Variants in ZAN observed in about 807,000 individuals in gnomAD.
The protein encoded by ZAN is zonadhesin (gene/pseudogene).
ZAN carries 260 observed loss-of-function variants against 286.2 expected under a neutral mutation model. That is an observed-to-expected ratio of 0.91 (90% confidence interval 0.82 to 1.01). The LOEUF (loss-of-function observed/expected upper bound fraction) is 1.01. Among genes scored for constraint, ZAN ranks in the 50% least tolerant of loss-of-function variants. The probability of loss-of-function intolerance (pLI) is 0.00; values close to 1 mark genes in which losing one functional copy is unlikely to be tolerated. For missense variants in ZAN, 3,410 were observed against 3,639.2 expected, an observed-to-expected ratio of 0.94 and a Z score of 1.62; for synonymous variants, 1,368 against 1,417.5, an observed-to-expected ratio of 0.97 and a Z score of 0.79.
At chr7:100,753,668 T>A (rs1357766666) in intron 14 of ZAN, among the ~76,000 whole-genome samples, 100 of 140,884 alleles carry the variant, frequency 7.1e-4, no homozygotes, top group African/African-American at 2.3e-3. Flanking sequence ...ACTTTAAAAT[T>A]AAAAAAAAAA....
chr7:100,782,873 C>CAT (rs1327916987), intron 35 of ZAN, among the ~76,000 whole-genome samples: 1 of 152,050 alleles, frequency 6.6e-6, no homozygotes, highest in Admixed American at 6.6e-5. Context: ...ACTAAATTCC[C>CAT]ATATATATTT....
chr7:100,778,381 A>AT (rs1810959892), intron 34 of ZAN, among the ~76,000 whole-genome samples: 1 of 149,512 alleles, frequency 6.7e-6, no homozygotes, highest in Non-Finnish European at 1.5e-5. Context: ...ATGTGGGAGG[A>AT]TTGCTTGAGC....
intron 25 of ZAN, 47 bp from the exon 26 acceptor site, chr7:100,767,784 C>A (rs559794583): frequency 2.5e-6 from 4 of 1,576,494 alleles, no homozygotes; most frequent in Non-Finnish European, 3.4e-6. Context: ...GCCTTTATCC[C>A]GAGTTCTTTC....
At chr7:100,795,673 G>A (rs913484549) in intron 45 of ZAN, among the ~76,000 whole-genome samples, 5 of 151,900 alleles carry the variant, frequency 3.3e-5, no homozygotes, top group Non-Finnish European at 5.9e-5. Flanking sequence ...TTGGGAGGCT[G>A]AGGTGGGCGG....
intron 7 of ZAN, among the ~76,000 whole-genome samples, chr7:100,745,770 T>C (rs900935019): frequency 6.7e-6 from 1 of 149,968 alleles, no homozygotes; most frequent in African/African-American, 2.5e-5. Context: ...GCACCTGGAG[T>C]CCCAGCTACT....
At chr7:100,790,636 A>G (rs1811878073) in intron 39 of ZAN, among the ~76,000 whole-genome samples, 1 of 151,368 alleles carries the variant, frequency 6.6e-6, no homozygotes, top group Non-Finnish European at 1.5e-5. Flanking sequence ...TAATCCCAGC[A>G]CTCTGAGAGG....
chr7:100,774,044 C>A (rs1021693192), intron 31 of ZAN, among the ~76,000 whole-genome samples, 179 bp downstream of exon 31: 3 of 151,364 alleles, frequency 2.0e-5, no homozygotes, highest in African/African-American at 7.4e-5. Flanking sequence ...AACCTTGGGG[C>A]TCACCCATCC....
chr7:100,735,664 A>G lies in ZAN; in HGVS notation c.54-56A>G. The G allele has an allele frequency of 5.4e-6, 7 of 1,288,200 alleles. 1 individual carries two copies. Among genetic ancestry groups the G allele is most frequent in the East Asian group, 4.9e-5 (2 of 41,040 alleles). 79.8% of individuals were successfully genotyped at this position (1,288,200 alleles called of 1,614,324 possible). The stretch of plus-strand genomic sequence containing the variant: ...AGAAAGCTCACAGTCACTGAATCTT[A>G]TAATTCTTGATAATGACACGAGTTG... On this transcript the variant is annotated intron_variant, in intron 2 of 47. Transcript: ENST00000613979.
chr7:100,797,390 T>G lies in ZAN; in HGVS notation c.8291T>G (p.Leu2764Arg), dbSNP rs1199745270. ...GCATCTAACCTGGTGGGCGTCCTACTGGGACTGCTGGTGCCTGTGGTGGTC... is the reference window on the plus strand; with the variant it reads ...GCATCTAACCTGGTGGGCGTCCTACGGGGACTGCTGGTGCCTGTGGTGGTC... Reference protein sequence around the residue: ...KPASNLVGVLLGLLVPVVVVL... With the variant: ...KPASNLVGVLRGLLVPVVVVL... The change falls in exon 46 of 48, where the codon CTG (leucine) becomes CGG (arginine). Residue 2764 changes from leucine (L) to arginine (R), a missense_variant. Coordinates refer to ENST00000613979, the MANE Select transcript of ZAN (RefSeq NM_003386.3). The G allele has an allele frequency of 5.6e-6, 9 of 1,613,662 alleles. No homozygotes were observed. Among genetic ancestry groups the G allele is most frequent in the Non-Finnish European group, 7.6e-6 (9 of 1,179,762 alleles).
In ZAN at chr7:100,760,545, G is replaced by A; in HGVS notation, c.3842+9G>A. 6.2e-7 allele frequency: 1 copy of A among 1,612,876 alleles called. No homozygotes were observed. The highest frequency in any genetic ancestry group is 2.2e-5 in the East Asian group (1 of 44,820). The stretch of plus-strand genomic sequence containing the variant: ...TATGTTACTGTGTCCAGGTAAGGCA[G>A]TGTCCCAGCCAGGCAGCTGCCACTT... On this transcript the variant is annotated intron_variant, in intron 19 of 47. Coordinates refer to ENST00000613979, the MANE Select transcript of ZAN (RefSeq NM_003386.3).
Position 100,769,890 on chromosome 7 carries a change from G to A in ZAN, c.5164G>A (p.Val1722Met). Reference protein sequence around the residue: ...PESSEPGCFLVGGKPSSCQEN... With the variant: ...PESSEPGCFLMGGKPSSCQEN... ...TTCTCTCTCATTTAGCTGTTTCCTT[G>A]TGGGTGGCAAGCCCTCCAGCTGCCA... is the stretch of plus-strand genomic sequence containing the variant. The change falls in exon 28 of 48, where the codon GTG becomes ATG. Residue 1722 changes from valine (V) to methionine (M), a missense_variant. Coordinates refer to ENST00000613979, the MANE Select transcript of ZAN (RefSeq NM_003386.3). 1.9e-6 allele frequency: 3 copies of A among 1,557,330 alleles called. No homozygotes were observed. Among genetic ancestry groups the A allele is most frequent in the East Asian group, 2.4e-5 (1 of 41,550 alleles).
chr7:100,773,960 C>T lies in ZAN; in HGVS notation c.5779+95C>T, dbSNP rs144678739. 1.6e-5 allele frequency: 23 copies of T among 1,476,026 alleles called. No individual in the cohort carries two copies. The African/African-American group carries it at 2.4e-4, about 15-fold the overall frequency. The allele number at this position is 1,476,026 out of a possible 1,614,324, so 91.4% of individuals were successfully genotyped here. A position where few individuals can be genotyped will look rare whatever the true frequency, so the allele number is the denominator to read the frequency against. On this transcript the variant is annotated intron_variant, in intron 31 of 47. Transcript: ENST00000613979. Reference sequence around the variant, plus strand: ...CCCTGCTGCCTGTAGCACTGGGTTTCAGGTTTTGACTGGTAACTCTGCTGC... The same window carrying T: ...CCCTGCTGCCTGTAGCACTGGGTTTTAGGTTTTGACTGGTAACTCTGCTGC...
rs767021701 is a variant in ZAN at position 100,775,756 on chromosome 7, A to G, written c.6115A>G (p.Ile2039Val). ...KSSSIYSIVN[I>V]KIGVQVKFDG... ...CAGCAGCATCTACAGCATTGTTAAC[A>G]TCAAGATCGGGGTGCAAGTCAAGTT... Residue 2039 changes from isoleucine (I) to valine (V), a missense_variant, in exon 33 of 48, where the codon ATC (isoleucine) becomes GTC (valine). Ile to Val is a conservative substitution (Grantham distance 29, BLOSUM62 3). This residue lies in a region of ZAN where 1,289 missense variants were observed against 1,314.3 expected (regional missense o/e 0.98). Coordinates refer to ENST00000613979, the MANE Select transcript of ZAN (RefSeq NM_003386.3). 8 of 1,613,928 alleles carry G rather than the reference A, an allele frequency of 5.0e-6. No homozygotes were observed. The highest frequency in any genetic ancestry group is 5.9e-6 in the Non-Finnish European group (7 of 1,179,878).
At position 100,763,068 on chromosome 7, in the gene ZAN, C is replaced by T. The variant is rs2115993059; in HGVS notation, c.3986+710C>T. Among the ~76,000 whole-genome samples the T allele has an allele frequency of 6.6e-6, 1 of 151,144 alleles. No homozygotes were observed. The highest frequency in any genetic ancestry group is 2.0e-4 in the East Asian group (1 of 5,096). On this transcript the variant is annotated intron_variant, in intron 20 of 47. Transcript: ENST00000613979. This position sits in a 1 kb window ranked among gnomAD's most constrained non-coding sequence, Gnocchi z 4.6. Reference sequence around the variant, plus strand: ...CTCACTGAAACCTCTGCCTCCTGGGCTCAAGTGATTCTCACGCCTCAATCC... The same window carrying T: ...CTCACTGAAACCTCTGCCTCCTGGGTTCAAGTGATTCTCACGCCTCAATCC...
chr7:100,775,323 C>T lies in ZAN; in HGVS notation c.5780-5C>T. On this transcript the variant is annotated splice_region_variant and splice_polypyrimidine_tract_variant and intron_variant, in intron 31 of 47. Coordinates refer to ENST00000613979, the MANE Select transcript of ZAN (RefSeq NM_003386.3). Reference sequence around the variant, plus strand: ...CATAGCCCAGCTGTCTCTCTGTCCTCCCAGGTGTGGGAGTGTGTCAGCTCC... The same window carrying T: ...CATAGCCCAGCTGTCTCTCTGTCCTTCCAGGTGTGGGAGTGTGTCAGCTCC... The T allele has an allele frequency of 6.2e-7, 1 of 1,612,400 alleles. No individual in the cohort carries two copies. Among genetic ancestry groups the T allele is most frequent in the Non-Finnish European group, 8.5e-7 (1 of 1,179,304 alleles).
Position 100,736,525 on chromosome 7 carries a change from T to G in ZAN, c.149T>G (p.Leu50Arg). The G allele has an allele frequency of 1.3e-6, 2 of 1,523,958 alleles. No individual in the cohort carries two copies. The highest frequency in any genetic ancestry group is 1.7e-4 in the Middle Eastern group (1 of 5,950). The allele number at this position is 1,523,958 out of a possible 1,614,324, so 94.4% of individuals were successfully genotyped here. Residue 50 changes from leucine to arginine, a missense_variant, in exon 4 of 48, where the codon CTC (leucine) becomes CGC (arginine). Transcript: ENST00000613979. ...GATTTTGAGGATGACGCCAAACCCC[T>G]CTGTGACTGGTCCCAAGTGTCCGCA... ...QCDFEDDAKP[L>R]CDWSQVSADD...
At chr7:100,759,603 T>C in intron 17 of ZAN, 118 bp from the exon 18 acceptor site, 1 of 1,342,932 alleles carries the variant, frequency 7.4e-7, no homozygotes, top group Non-Finnish European at 9.8e-7. Context: ...CTACTGGACT[T>C]TGGGGCTGGT....
chr7:100,756,234 C>T (rs1240988859), intron 15 of ZAN, among the ~76,000 whole-genome samples: 1 of 152,082 alleles, frequency 6.6e-6, no homozygotes, highest in African/African-American at 2.4e-5. Context: ...TTATCATTAG[C>T]AATTTATGAT....
intron 27 of ZAN, 25 bp downstream of exon 27, chr7:100,768,746 G>T: frequency 6.4e-7 from 1 of 1,560,848 alleles, no homozygotes; most frequent in Admixed American, 1.9e-5. Context: ...AGGGGAGCCA[G>T]GCAGGAGGGG....
Sources: allele counts gnomAD v4.1 joint callset (sites outside exome capture counted in the v4.1 genomes callset), GRCh38; gene constraint gnomAD v4.1.1; regional missense constraint gnomAD v4.1.1; non-coding constraint Gnocchi (gnomAD v3.1); transcripts MANE v1.5; gene names NCBI Gene and HGNC (gene_info 2026-07-23, HGNC 2026-07-21).